The following KBTBD2 variants were observed in gnomAD, a reference collection of about 807,000 sequenced individuals.
The protein encoded by KBTBD2 is kelch repeat and BTB domain-containing protein 2.
In KBTBD2, 17 loss-of-function variants were observed where a neutral mutation model predicts 57.1. The ratio of observed to expected loss-of-function variants is 0.30; its 90% confidence interval spans 0.20 to 0.45. The LOEUF (loss-of-function observed/expected upper bound fraction) is 0.45. KBTBD2 is among the 20% of genes least tolerant of loss of function. The probability of loss-of-function intolerance (pLI) is 1.00; values close to 1 mark genes in which losing one functional copy is unlikely to be tolerated. For synonymous variants in KBTBD2, 267 were observed against 262.7 expected (o/e 1.02, Z -0.16); for missense variants, 515 against 750.6 (o/e 0.69, Z 3.67).
chr7:32,891,837 C>A, upstream of KBTBD2: 1 of 145,994 alleles, frequency 6.8e-6, no homozygotes, highest in South Asian at 1.8e-4. Flanking sequence ...CCCGCCCGCC[C>A]GCGCCGCCTT....
intron 1 of KBTBD2, among the ~76,000 whole-genome samples, chr7:32,890,203 C>T (rs1054745371): frequency 1.2e-4 from 18 of 152,192 alleles, no homozygotes; most frequent in Non-Finnish European, 2.4e-4. Context: ...TGACAGAAAA[C>T]AACCTCTTGA....
At position 32,869,269 on chromosome 7, in the gene KBTBD2, C is replaced by T; in HGVS notation, c.*76G>A. The T allele has an allele frequency of 9.3e-7, 1 of 1,076,178 alleles. No individual in the cohort carries two copies. Among genetic ancestry groups the T allele is most frequent in the Non-Finnish European group, 1.3e-6 (1 of 743,192 alleles). 66.7% of individuals were successfully genotyped at this position (1,076,178 alleles called of 1,614,324 possible). On this transcript the variant is annotated 3_prime_UTR_variant, in exon 4 of 4. Transcript: ENST00000304056. ...GAATTTTATGTACTCATATTTAGTT[C>T]TTTCATAGCCTCTTTTGTTTAGCAA...
intron 1 of KBTBD2, among the ~76,000 whole-genome samples, chr7:32,887,667 A>G (rs915453454): frequency 2.6e-5 from 4 of 152,222 alleles, no homozygotes; most frequent in Non-Finnish European, 4.4e-5. Context: ...CAATGCTACA[A>G]ATGTCAATAG....
intron 1 of KBTBD2, among the ~76,000 whole-genome samples, chr7:32,881,067 C>T (rs1027573929): frequency 6.7e-6 from 1 of 148,262 alleles, no homozygotes; most frequent in African/African-American, 2.5e-5. Flanking sequence ...CACCACTGCA[C>T]TCCAGCCTGG....
chr7:32,885,818 T>C (rs931651955), intron 1 of KBTBD2, among the ~76,000 whole-genome samples: 2 of 152,188 alleles, frequency 1.3e-5, no homozygotes, highest in African/African-American at 4.8e-5. Context: ...AATTCAGTGT[T>C]TTTGACTGAT....
At position 32,870,255 on chromosome 7, in the gene KBTBD2, G is replaced by C. The variant is rs759428514; in HGVS notation, c.962C>G (p.Ala321Gly). ...VVTPDNDIYIAGGQVPLKNTK... is the reference protein window; with the variant it reads ...VVTPDNDIYIGGGQVPLKNTK... ...GTTTTTCAGAGGAACTTGACCCCCT[G>C]CTATGTAGATATCATTATCAGGAGT... Residue 321 changes from alanine (A) to glycine (G), a missense_variant, in exon 4 of 4, where the codon GCA (alanine) becomes GGA (glycine). Physicochemically the swap from Ala to Gly is moderately conservative, Grantham distance 60. Transcript: ENST00000304056. 9.9e-6 allele frequency: 16 copies of C among 1,613,982 alleles called. No individual in the cohort carries two copies. Among genetic ancestry groups the C allele is most frequent in the Non-Finnish European group, 1.4e-5 (16 of 1,180,022 alleles).
At chr7:32,879,169 T>C (rs1784389749) in intron 2 of KBTBD2, among the ~76,000 whole-genome samples, 1 of 152,192 alleles carries the variant, frequency 6.6e-6, no homozygotes, top group East Asian at 1.9e-4. Flanking sequence ...TCTTTCTCTT[T>C]TAATGGAAAA....
chr7:32,877,219 G>A (rs190263990), intron 2 of KBTBD2, among the ~76,000 whole-genome samples: 4 of 151,886 alleles, frequency 2.6e-5, no homozygotes, highest in Non-Finnish European at 4.4e-5. Flanking sequence ...GGGTTTCACC[G>A]TGTTAGCCAG....
chr7:32,874,053 G>A (rs921234738), intron 3 of KBTBD2, among the ~76,000 whole-genome samples: 1 of 151,788 alleles, frequency 6.6e-6, no homozygotes, highest in African/African-American at 2.4e-5. Flanking sequence ...GCTTGAGCCT[G>A]GGATTTTGAG....
chr7:32,883,537 G>A (rs1159942021), intron 1 of KBTBD2, among the ~76,000 whole-genome samples: 1 of 138,904 alleles, frequency 7.2e-6, no homozygotes, highest in Non-Finnish European at 1.7e-5. Context: ...AAGCAATTCA[G>A]TATGTACTAT....
rs781429552 is a variant in KBTBD2, at chr7:32,870,733, C to A, written c.484G>T (p.Ala162Ser). 2 of 1,614,226 alleles carry A rather than the reference C, an allele frequency of 1.2e-6. No homozygotes were observed. The highest frequency in any genetic ancestry group is 1.7e-6 in the Non-Finnish European group (2 of 1,180,044). ...AKRMVEHKFT[A>S]VYHQDAFMQL... is the part of the protein sequence containing the mutation. The stretch of plus-strand genomic sequence containing the variant: ...ATGAACGCGTCCTGATGATACACAG[C>A]AGTGAACTTGTGCTCCACCATTCTT... The change falls in exon 4 of 4, where the codon GCT (alanine) becomes TCT (serine). Residue 162 changes from alanine (A) to serine (S), a missense_variant. Physicochemically the swap from Ala to Ser is moderately conservative, Grantham distance 99. Coordinates refer to ENST00000304056, the MANE Select transcript of KBTBD2 (RefSeq NM_015483.3).
At chr7:32,873,537 C>T (rs759841417) in intron 3 of KBTBD2, among the ~76,000 whole-genome samples, 15 of 151,980 alleles carry the variant, frequency 9.9e-5, no homozygotes, top group South Asian at 4.1e-4. Flanking sequence ...AGTTCCAGAC[C>T]GGCCTGGCCA....
At chr7:32,877,833 G>T (rs917672184) in intron 2 of KBTBD2, among the ~76,000 whole-genome samples, 2 of 152,148 alleles carry the variant, frequency 1.3e-5, no homozygotes, top group South Asian at 2.1e-4. Context: ...ACTTGGCTGG[G>T]TACAGTGGCT....
intron 1 of KBTBD2, among the ~76,000 whole-genome samples, chr7:32,888,198 A>T (rs1460507710): frequency 6.6e-6 from 1 of 152,212 alleles, no homozygotes; most frequent in African/African-American, 2.4e-5. Context: ...GTTCTAAAAT[A>T]TTAAGATAAT....
chr7:32,890,548 TATC>T (rs1784706180), intron 1 of KBTBD2, among the ~76,000 whole-genome samples: 1 of 152,008 alleles, frequency 6.6e-6, no homozygotes, highest in African/African-American at 2.4e-5. Context: ...TAAAAGAAAA[TATC>T]ATTTTGGTCA....
At chr7:32,877,168 G>A (rs1233790416) in intron 2 of KBTBD2, among the ~76,000 whole-genome samples, 5 of 111,688 alleles carry the variant, frequency 4.5e-5, no homozygotes, top group East Asian at 2.6e-4. Flanking sequence ...ACAGGCGCCC[G>A]CCACTACGCC....
rs187955312 is a variant in KBTBD2, at chr7:32,868,587, T to G, written c.*758A>C. On this transcript the variant is annotated 3_prime_UTR_variant, in exon 4 of 4. Transcript: ENST00000304056. ...GATAGTTATATGCATGAGCCAATGT[T>G]AACATAATACAGAAAGTGGAGGCTT... 107 of 152,696 alleles carry G rather than the reference T, an allele frequency of 7.0e-4. No homozygotes were observed. Among genetic ancestry groups the G allele is most frequent in the Non-Finnish European group, 3.7e-4 (25 of 68,018 alleles). 9.5% of individuals were successfully genotyped at this position (152,696 alleles called of 1,614,324 possible). A position where few individuals can be genotyped will look rare whatever the true frequency, so the allele number is the denominator to read the frequency against.
At chr7:32,876,697 T>G (rs1382006444) in intron 2 of KBTBD2, among the ~76,000 whole-genome samples, 1 of 152,138 alleles carries the variant, frequency 6.6e-6, no homozygotes, top group Non-Finnish European at 1.5e-5. Context: ...GGCTCACACT[T>G]GTAATCCCAG....
At chr7:32,871,658 AT>A (rs1403303456) in intron 3 of KBTBD2, among the ~76,000 whole-genome samples, 1 of 152,130 alleles carries the variant, frequency 6.6e-6, no homozygotes, top group African/African-American at 2.4e-5. Context: ...CTAAACTTCA[AT>A]TTTCTCTTAT....
Sources: allele counts gnomAD v4.1 joint callset (sites outside exome capture counted in the v4.1 genomes callset), GRCh38; gene constraint gnomAD v4.1.1; transcripts MANE v1.5; gene names NCBI Gene and HGNC (gene_info 2026-07-23, HGNC 2026-07-21).